Variants in ELOVL6 observed in about 807,000 individuals in gnomAD.
ELOVL6 encodes the protein ELOVL fatty acid elongase 6.
Under a neutral mutation model 31.7 loss-of-function variants are expected in ELOVL6, and 8 were observed. The ratio of observed to expected loss-of-function variants is 0.25; its 90% CI spans 0.15 to 0.45. The LOEUF is 0.45. Among genes scored for constraint, ELOVL6 ranks in the 20% least tolerant of loss-of-function variants. The pLI, the probability that ELOVL6 is intolerant of heterozygous loss-of-function variation, is 1.00. For synonymous variants in ELOVL6, 101 were observed against 117.7 expected, an observed-to-expected ratio of 0.86 and a Z score of 0.92; for missense variants, 126 against 326.4, an observed-to-expected ratio of 0.39 and a Z score of 4.73.
intron 1 of ELOVL6, among the ~76,000 whole-genome samples, chr4:110,143,121 T>C (rs1376707236): frequency 6.6e-6 from 1 of 152,152 alleles, no homozygotes; most frequent in Non-Finnish European, 1.5e-5. Context: ...ATCAAACTCC[T>C]GATTCCAGGA....
Position 110,084,169 on chromosome 4 carries a change from ATAT to A in ELOVL6, c.221+21325_221+21327del, listed in dbSNP as rs1457651935. Among the ~76,000 whole-genome samples the A allele has an allele frequency of 1.9e-4, 8 of 43,092 alleles. 1 individual carries two copies. The highest frequency in any genetic ancestry group is 3.2e-4 in the Non-Finnish European group (8 of 25,038). 28.3% of individuals were successfully genotyped at this position (43,092 alleles called of 152,430 possible). A position where few individuals can be genotyped will look rare whatever the true frequency, so the allele number is the denominator to read the frequency against. On this transcript the variant is annotated intron_variant, in intron 2 of 3. Coordinates refer to ENST00000302274, the MANE Select transcript of ELOVL6 (RefSeq NM_024090.3). The stretch of plus-strand genomic sequence containing the variant: ...ATGATATATATAACATATATGTGAT[ATAT>A]ATGATATATATAACATATAACTTAT...
chr4:110,061,092 A>G (rs12498468), intron 2 of ELOVL6, among the ~76,000 whole-genome samples: 21,099 of 152,180 alleles, frequency 0.14, 2,140 homozygotes, highest in East Asian at 0.42. Flanking sequence ...TTTCCACTGT[A>G]TGAAATTGTC....
chr4:110,193,693 AC>A (rs1759692492), intron 1 of ELOVL6, among the ~76,000 whole-genome samples: 2 of 152,350 alleles, frequency 1.3e-5, no homozygotes, highest in South Asian at 4.1e-4. Flanking sequence ...CCTCAGCTGA[AC>A]AGCATTTAAT....
At chr4:110,149,218 T>C (rs532144354) in intron 1 of ELOVL6, among the ~76,000 whole-genome samples, 2 of 152,296 alleles carry the variant, frequency 1.3e-5, no homozygotes, top group Admixed American at 1.3e-4. Context: ...TGGAAAACTA[T>C]GGAGATTTCT....
chr4:110,118,508 A>G (rs971582552), intron 1 of ELOVL6, among the ~76,000 whole-genome samples: 9 of 152,234 alleles, frequency 5.9e-5, no homozygotes, highest in Non-Finnish European at 1.0e-4. Flanking sequence ...ATGAAATCAC[A>G]CAATAACATT....
intron 1 of ELOVL6, among the ~76,000 whole-genome samples, chr4:110,155,668 A>G (rs1391848522): frequency 6.6e-6 from 1 of 152,182 alleles, no homozygotes; most frequent in Non-Finnish European, 1.5e-5. Flanking sequence ...ACAGTTCAAT[A>G]TGCATGATAC....
Position 110,079,917 on chromosome 4 carries a change from C to T in ELOVL6, c.222-20163G>A, listed in dbSNP as rs569066883. Among the ~76,000 whole-genome samples, 652 of 152,080 alleles carry T rather than the reference C, an allele frequency of 4.3e-3. 4 individuals are homozygous for T. Among genetic ancestry groups the T allele is most frequent in the African/African-American group, 0.015 (607 of 41,492 alleles). ...AAAATGATAAAGGGGATATCACCACCGATCCCACAGAAATACAAACTACCA... is the reference window on the plus strand; with the variant it reads ...AAAATGATAAAGGGGATATCACCACTGATCCCACAGAAATACAAACTACCA... On this transcript the variant is annotated intron_variant, in intron 2 of 3. Coordinates refer to ENST00000302274, the MANE Select transcript of ELOVL6 (RefSeq NM_024090.3).
intron 1 of ELOVL6, among the ~76,000 whole-genome samples, chr4:110,144,054 CAAAA>C (rs10716398): frequency 5.8e-5 from 5 of 85,618 alleles, no homozygotes; most frequent in Non-Finnish European, 7.2e-5. Context: ...AACTCCATCT[CAAAA>C]AAAAAAAAAA....
At chr4:110,196,330 G>A (rs943045877) in intron 1 of ELOVL6, among the ~76,000 whole-genome samples, 1 of 152,230 alleles carries the variant, frequency 6.6e-6, no homozygotes, top group Non-Finnish European at 1.5e-5. Flanking sequence ...GGCCCGAACA[G>A]GCCGGCTGGA....
intron 1 of ELOVL6, among the ~76,000 whole-genome samples, chr4:110,154,104 T>C (rs1578264858): frequency 6.6e-6 from 1 of 152,184 alleles, no homozygotes; most frequent in Admixed American, 6.5e-5. Context: ...TCTGAGATAG[T>C]CTTACTCTGT....
At chr4:110,055,044 C>T (rs1227465244) in intron 3 of ELOVL6, among the ~76,000 whole-genome samples, 2 of 152,170 alleles carry the variant, frequency 1.3e-5, no homozygotes, top group African/African-American at 4.8e-5. Flanking sequence ...CCCCAGACTG[C>T]TGACCCAAAG....
chr4:110,193,905 G>A (rs1485872391), intron 1 of ELOVL6, among the ~76,000 whole-genome samples: 1 of 152,142 alleles, frequency 6.6e-6, no homozygotes, highest in Non-Finnish European at 1.5e-5. Context: ...CTTTGAAGAC[G>A]TCACCTCACA....
intron 1 of ELOVL6, among the ~76,000 whole-genome samples, chr4:110,186,350 C>A (rs1408136171): frequency 6.6e-6 from 1 of 152,062 alleles, no homozygotes; most frequent in African/African-American, 2.4e-5. Flanking sequence ...CATCTGATAG[C>A]CTACCCATCT....
chr4:110,113,070 C>CA (rs904802507), intron 1 of ELOVL6, among the ~76,000 whole-genome samples: 4 of 149,588 alleles, frequency 2.7e-5, no homozygotes, highest in Admixed American at 6.7e-5. Context: ...TAAAAAAATA[C>CA]AAAAAAAATT....
rs376331282 is a variant in ELOVL6 at position 110,161,624 on chromosome 4, C to T, written c.89+36623G>A. Among the ~76,000 whole-genome samples, 4 of 152,154 alleles carry T rather than the reference C, an allele frequency of 2.6e-5. No homozygotes were observed. In the East Asian group the frequency reaches 7.7e-4, roughly 29 times the overall value. On this transcript the variant is annotated intron_variant, in intron 1 of 3. Transcript: ENST00000302274. ...TTGGCAATTTCACGGTTTAAAATGGCTCCCAAGCTTACTGCTATCTCATGT... is the reference window on the plus strand; with the variant it reads ...TTGGCAATTTCACGGTTTAAAATGGTTCCCAAGCTTACTGCTATCTCATGT...
rs1247614533 is a variant in ELOVL6, at chr4:110,082,123, G to C, written c.222-22369C>G. Among the ~76,000 whole-genome samples, 22 of 149,052 alleles carry C rather than the reference G, an allele frequency of 1.5e-4. No individual in the cohort carries two copies. The East Asian group carries it at 4.1e-3, about 28-fold the overall frequency. On this transcript the variant is annotated intron_variant, in intron 2 of 3. Coordinates refer to ENST00000302274, the MANE Select transcript of ELOVL6 (RefSeq NM_024090.3). ...GTGCTGGAGAGGATGTGGAGAAATA[G>C]GAACACTTTTACACTGTTGGTGGGA...
rs1357187337 is a variant in ELOVL6, at chr4:110,172,115, A to G, written c.89+26132T>C. ...AAGCCACTCAGAGGTCAGAAATTCC[A>G]GAGACCCAGACATGTGACTCTTGGC... On this transcript the variant is annotated intron_variant, in intron 1 of 3. Transcript: ENST00000302274. 4.6e-5 allele frequency among the ~76,000 whole-genome samples: 7 copies of G among 152,156 alleles called. 1 individual carries two copies. Among genetic ancestry groups the G allele is most frequent in the Admixed American group, 3.9e-4 (6 of 15,262 alleles).
intron 2 of ELOVL6, among the ~76,000 whole-genome samples, chr4:110,100,849 C>T (rs2126244252): frequency 6.6e-6 from 1 of 152,318 alleles, no homozygotes; most frequent in Non-Finnish European, 1.5e-5. Flanking sequence ...AATAGAGGAA[C>T]TATCTCCTGA....
intron 1 of ELOVL6, among the ~76,000 whole-genome samples, chr4:110,197,723 C>A (rs1372765429): frequency 6.6e-6 from 1 of 151,826 alleles, no homozygotes; most frequent in African/African-American, 2.4e-5. Flanking sequence ...GAAGTAGGAG[C>A]GCTGCAAGGA....
Sources: allele counts gnomAD v4.1 joint callset (sites outside exome capture counted in the v4.1 genomes callset), GRCh38; gene constraint gnomAD v4.1.1; transcripts MANE v1.5; gene names NCBI Gene and HGNC (gene_info 2026-07-23, HGNC 2026-07-21).